The following LRP1 variants were observed in gnomAD, a reference collection of about 807,000 sequenced individuals.
LRP1 encodes the protein prolow-density lipoprotein receptor-related protein 1.
A neutral mutation model predicts 541.5 loss-of-function variants in LRP1; 51 were observed. The ratio of observed to expected loss-of-function variants is 0.09; its 90% confidence interval spans 0.08 to 0.12. LRP1 has a LOEUF of 0.12. Ranked by LOEUF, LRP1 falls within the 10% of genes least tolerant of loss-of-function variation. The probability of loss-of-function intolerance (pLI) is 1.00; values close to 1 mark genes in which losing one functional copy is unlikely to be tolerated. For synonymous variants in LRP1, 2,219 were observed against 2,470.8 expected, an observed-to-expected ratio of 0.90 and a Z score of 3.02; for missense variants, 3,878 against 6,376.2, an observed-to-expected ratio of 0.61 and a Z score of 13.34.
In LRP1 at chr12:57,194,449, G is replaced by T. The variant is rs1351118327; in HGVS notation, c.8014G>T (p.Val2672Leu). 3 of 1,563,184 alleles carry T rather than the reference G, an allele frequency of 1.9e-6. No homozygotes were observed. The African/African-American group carries it at 4.1e-5, about 21-fold the overall frequency. ...RTSLCYAPSW[V>L]CDGANDCGDY... ...CTCACTCTGCTACGCACCCAGCTGG[G>T]TGTGTGATGGCGCCAATGACTGTGG... Residue 2672 changes from valine to leucine, a missense_variant, in exon 49 of 89, where the codon GTG becomes TTG. Around this residue, in one of 13 missense-constraint regions of LRP1, gnomAD observed 1,100 missense variants for 1,827.4 expected, o/e 0.60. Transcript: ENST00000243077.
chr12:57,191,283 GA>G (rs2036373384), intron 43 of LRP1, 36 bp from the exon 44 acceptor site: 1 of 1,561,962 alleles, frequency 6.4e-7, no homozygotes, highest in Non-Finnish European at 8.7e-7. Context: ...CAAGAGGCCT[GA>G]GCGATGCTGT....
chr12:57,139,708 G>C (rs2035247661), intron 2 of LRP1, among the ~76,000 whole-genome samples: 1 of 151,994 alleles, frequency 6.6e-6, no homozygotes, highest in Non-Finnish European at 1.5e-5. Context: ...CCACCCAAAG[G>C]CACAAACACA....
chr12:57,187,330 A>G lies in LRP1; in HGVS notation c.6905A>G (p.Tyr2302Cys). The change falls in exon 42 of 89, where the codon TAC becomes TGC. Residue 2302 changes from tyrosine (Y) to cysteine (C), a missense_variant. Around this residue, in one of 13 missense-constraint regions of LRP1, gnomAD observed 1,100 missense variants for 1,827.4 expected, o/e 0.60. Coordinates refer to ENST00000243077, the MANE Select transcript of LRP1 (RefSeq NM_002332.3). ...TGGGACACTCTCTATTGGACAAGCT[A>G]CACGACATCCACCATCACGCGCCAC... ...RGWDTLYWTS[Y>C]TTSTITRHTV... The G allele has an allele frequency of 6.2e-7, 1 of 1,614,228 alleles. No homozygotes were observed. Among genetic ancestry groups the G allele is most frequent in the Non-Finnish European group, 8.5e-7 (1 of 1,180,046 alleles).
chr12:57,198,252 G>A lies in LRP1; in HGVS notation c.9379G>A (p.Glu3127Lys). The change falls in exon 59 of 89, where the codon GAG becomes AAG. Residue 3127 changes from glutamate to lysine, a missense_variant. Glu to Lys is a moderately conservative substitution (Grantham distance 56, BLOSUM62 1). Around this residue, in one of 13 missense-constraint regions of LRP1, gnomAD observed 1,100 missense variants for 1,827.4 expected, o/e 0.60. Coordinates refer to ENST00000243077, the MANE Select transcript of LRP1 (RefSeq NM_002332.3). Reference protein sequence around the residue: ...YWCDKGRDTIEVSKLNGAYRT... With the variant: ...YWCDKGRDTIKVSKLNGAYRT... ...GTGCGACAAAGGCCGGGACACCATC[G>A]AGGTGTCCAAGCTCAATGGGGCCTA... is the stretch of plus-strand genomic sequence containing the variant. 1 of 1,613,658 alleles carries A rather than the reference G, an allele frequency of 6.2e-7. No individual in the cohort carries two copies. The highest frequency in any genetic ancestry group is 8.5e-7 in the Non-Finnish European group (1 of 1,179,818).
chr12:57,179,396 C>T lies in LRP1; in HGVS notation c.4806C>T (p.Tyr1602=). ...GAGGTGTGGACCTGGATGCTCCCTA[C>T]TACAACTACATCATCTCCTTCACGG... ...EIRGVDLDAP[Y]YNYIISFTVP... is the part of the protein sequence containing the mutation. The change falls in exon 29 of 89, where the codon TAC becomes TAT. Residue 1602 remains tyrosine (Y), a synonymous_variant. Coordinates refer to ENST00000243077, the MANE Select transcript of LRP1 (RefSeq NM_002332.3). This position sits in a 1 kb window ranked among gnomAD's most constrained non-coding sequence, Gnocchi z 6.8. 6.2e-7 allele frequency: 1 copy of T among 1,614,242 alleles called. No homozygotes were observed. Among genetic ancestry groups the T allele is most frequent in the Admixed American group, 1.7e-5 (1 of 60,028 alleles).
chr12:57,179,854 A>C lies in LRP1; in HGVS notation c.5039A>C (p.Asn1680Thr), dbSNP rs987857139. 1 of 1,614,050 alleles carries C rather than the reference A, an allele frequency of 6.2e-7. No homozygotes were observed. Among genetic ancestry groups the C allele is most frequent in the African/African-American group, 1.3e-5 (1 of 74,938 alleles). Reference sequence around the variant, plus strand: ...CTGTTCTGGACAAGCTATGACACCAATAAGAAGCAGATCAATGTGGCCCGG... The same window carrying C: ...CTGTTCTGGACAAGCTATGACACCACTAAGAAGCAGATCAATGTGGCCCGG... The part of the protein sequence containing the change: ...RNLFWTSYDT[N>T]KKQINVARLD... Residue 1680 changes from asparagine to threonine, a missense_variant, in exon 30 of 89, where the codon AAT becomes ACT. Asn to Thr is a moderately conservative substitution (Grantham distance 65, BLOSUM62 0). Transcript: ENST00000243077. The surrounding 1 kb of genome is among the most constrained non-coding windows in gnomAD (Gnocchi z 6.8).
intron 33 of LRP1, 22 bp downstream of exon 33, chr12:57,180,829 C>T (rs746404181): frequency 9.3e-6 from 15 of 1,611,832 alleles, no homozygotes; most frequent in East Asian, 2.2e-5. Flanking sequence ...GCCGGGCGGC[C>T]GCTGGGGGCT....
At chr12:57,145,157 T>G in intron 5 of LRP1, 57 bp downstream of exon 5, 2 of 1,613,350 alleles carry the variant, frequency 1.2e-6, no homozygotes, top group Non-Finnish European at 1.7e-6. Context: ...TGCTGTTCCC[T>G]GGTGGGTGGT....
Position 57,173,956 on chromosome 12 carries a change from G to A in LRP1, c.3523G>A (p.Gly1175Ser), listed in dbSNP as rs143746304. The A allele has an allele frequency of 6.2e-6, 10 of 1,614,082 alleles. No homozygotes were observed. The highest frequency in any genetic ancestry group is 4.5e-5 in the East Asian group (2 of 44,894). Reference sequence around the variant, plus strand: ...TGATGGCAACGACGACTGTGGCGACGGCTCAGATGAGGGCGAGCTCTGCGG... The same window carrying A: ...TGATGGCAACGACGACTGTGGCGACAGCTCAGATGAGGGCGAGCTCTGCGG... ...LCDGNDDCGD[G>S]SDEGELCDQC... Residue 1175 changes from glycine to serine, a missense_variant, in exon 22 of 89, where the codon GGC (glycine) becomes AGC (serine). Transcript: ENST00000243077. This position sits in a 1 kb window ranked among gnomAD's most constrained non-coding sequence, Gnocchi z 4.7.
intron 12 of LRP1, 109 bp from the exon 13 acceptor site, chr12:57,160,784 C>T (rs2035713524): frequency 1.3e-6 from 1 of 744,102 alleles, no homozygotes; most frequent in Admixed American, 2.2e-5. Context: ...ATGAGCAGGA[C>T]AGGAGACCCC....
intron 46 of LRP1, 90 bp downstream of exon 46, chr12:57,193,394 A>C: frequency 2.6e-6 from 4 of 1,553,894 alleles, no homozygotes; most frequent in Non-Finnish European, 3.5e-6. Flanking sequence ...CAGGATCAGG[A>C]CCCAGCTTCC....
chr12:57,210,487 C>A lies in LRP1; in HGVS notation c.12754+7C>A. ...TGTGCTGCCTCCCCCTCTGGTATGCCCCCTCATCCCGCCACGCCTGCTCCT... is the reference window on the plus strand; with the variant it reads ...TGTGCTGCCTCCCCCTCTGGTATGCACCCTCATCCCGCCACGCCTGCTCCT... On this transcript the variant is annotated splice_region_variant and intron_variant, in intron 82 of 88. Transcript: ENST00000243077. 1.3e-6 allele frequency: 2 copies of A among 1,522,638 alleles called. No individual in the cohort carries two copies. The highest frequency in any genetic ancestry group is 2.3e-5 in the East Asian group (1 of 43,802). 94.3% of individuals were successfully genotyped at this position (1,522,638 alleles called of 1,614,324 possible).
chr12:57,211,750 G>A lies in LRP1; in HGVS notation c.13194G>A (p.Gln4398=). The A allele has an allele frequency of 6.2e-7, 1 of 1,613,294 alleles. No homozygotes were observed. Among genetic ancestry groups the A allele is most frequent in the Non-Finnish European group, 8.5e-7 (1 of 1,179,922 alleles). Residue 4398 remains glutamine, a splice_region_variant and synonymous_variant, in exon 86 of 89, where the codon CAG becomes CAA. Coordinates refer to ENST00000243077, the MANE Select transcript of LRP1 (RefSeq NM_002332.3). The surrounding 1 kb of genome is among the most constrained non-coding windows in gnomAD (Gnocchi z 4.3). Reference sequence around the variant, plus strand: ...TCAGCCGTGTCCCTCCTTTCTGCAGGTGCCCACCCCACATGACAGGGCCCC... The same window carrying A: ...TCAGCCGTGTCCCTCCTTTCTGCAGATGCCCACCCCACATGACAGGGCCCC... ...TMNSKMMPEC[Q]CPPHMTGPRC...
At chr12:57,129,675 G>T (rs1255177285) in intron 1 of LRP1, among the ~76,000 whole-genome samples, 1 of 152,224 alleles carries the variant, frequency 6.6e-6, no homozygotes, top group Non-Finnish European at 1.5e-5. Context: ...GTGTTGGGGG[G>T]CAGAGAGGGG....
chr12:57,205,580 C>T lies in LRP1; in HGVS notation c.11493C>T (p.Phe3831=), dbSNP rs769586578. ...TAGACATCAACGAGTGCCTGCGCTT[C>T]GGCACCTGCTCCCAGCTCTGCAACA... The part of the protein sequence containing the change: ...GCQDINECLR[F]GTCSQLCNNT... The change falls in exon 75 of 89, where the codon TTC becomes TTT. Residue 3831 remains phenylalanine (F), a synonymous_variant. Transcript: ENST00000243077. The surrounding 1 kb of genome is among the most constrained non-coding windows in gnomAD (Gnocchi z 4.6). 3.7e-6 allele frequency: 6 copies of T among 1,613,858 alleles called. No homozygotes were observed. Among genetic ancestry groups the T allele is most frequent in the East Asian group, 2.2e-5 (1 of 44,900 alleles).
intron 23 of LRP1, 45 bp from the exon 24 acceptor site, chr12:57,175,864 G>T: frequency 6.2e-7 from 1 of 1,603,824 alleles, no homozygotes; most frequent in South Asian, 1.1e-5. Context: ...GTGGCACACA[G>T]GCAGCTAGCC....
chr12:57,208,996 G>C, intron 78 of LRP1, 87 bp from the exon 79 acceptor site: 1 of 1,191,276 alleles, frequency 8.4e-7, no homozygotes, highest in Non-Finnish European at 1.2e-6. Flanking sequence ...GAACAGGGTG[G>C]AGCTGTCCCG....
In LRP1 at chr12:57,210,005, TCCCCA is replaced by T; in HGVS notation, c.12440-15_12440-11del. The T allele has an allele frequency of 6.3e-7, 1 of 1,591,244 alleles. No individual in the cohort carries two copies. The highest frequency in any genetic ancestry group is 8.6e-7 in the Non-Finnish European group (1 of 1,167,020). ...CAGAGAAGGGTCCTGCTCAGCATCC[TCCCCA>T]CCCCACCCATACCTGCAGTGACCAA... On this transcript the variant is annotated intron_variant, in intron 80 of 88. Coordinates refer to ENST00000243077, the MANE Select transcript of LRP1 (RefSeq NM_002332.3).
In LRP1 at chr12:57,184,667, G is replaced by C. The variant is rs2036233665; in HGVS notation, c.6187-172G>C. Among the ~76,000 whole-genome samples the C allele has an allele frequency of 6.6e-6, 1 of 152,164 alleles. No homozygotes were observed. Among genetic ancestry groups the C allele is most frequent in the Admixed American group, 6.5e-5 (1 of 15,284 alleles). ...GAGTGGGGGAGTGGAGAGATGCCTG[G>C]AGGTCACCTTATCAGCAGGGCAGTG... is the stretch of plus-strand genomic sequence containing the variant. On this transcript the variant is annotated intron_variant, in intron 38 of 88. Coordinates refer to ENST00000243077, the MANE Select transcript of LRP1 (RefSeq NM_002332.3). This position sits in a 1 kb window ranked among gnomAD's most constrained non-coding sequence, Gnocchi z 7.8.
Sources: allele counts gnomAD v4.1 joint callset (sites outside exome capture counted in the v4.1 genomes callset), GRCh38; gene constraint gnomAD v4.1.1; regional missense constraint gnomAD v4.1.1; non-coding constraint Gnocchi (gnomAD v3.1); transcripts MANE v1.5; gene names NCBI Gene and HGNC (gene_info 2026-07-23, HGNC 2026-07-21).